Variants in TRPC4 observed in about 807,000 individuals in gnomAD.
TRPC4 encodes transient receptor potential cation channel subfamily C member 4.
Under a neutral mutation model 99.4 loss-of-function variants are expected in TRPC4, and 49 were observed. That is an observed-to-expected ratio of 0.49 (90% CI 0.39 to 0.63). The LOEUF (loss-of-function observed/expected upper bound fraction) is 0.63, where lower values mean the gene tolerates loss of function less well. TRPC4 is among the 20% of genes least tolerant of loss of function. The pLI, the probability that TRPC4 is intolerant of heterozygous loss-of-function variation, is 0.00. For synonymous variants in TRPC4, 454 were observed against 425.9 expected, an observed-to-expected ratio of 1.07 and a Z score of -0.81; for missense variants, 898 against 1,152.9, an observed-to-expected ratio of 0.78 and a Z score of 3.20.
Position 37,674,361 on chromosome 13 carries a change from A to G in TRPC4, c.1241T>C (p.Ile414Thr), listed in dbSNP as rs780808911. The G allele has an allele frequency of 1.9e-6, 3 of 1,598,514 alleles. No individual in the cohort carries two copies. Among genetic ancestry groups the G allele is most frequent in the South Asian group, 1.2e-5 (1 of 84,980 alleles). Residue 414 changes from isoleucine (I) to threonine (T), a missense_variant, in exon 5 of 11, where the codon ATA becomes ACA. By Grantham distance (89) the Ile-to-Thr change is moderately conservative. Coordinates refer to ENST00000379705, the MANE Select transcript of TRPC4 (RefSeq NM_016179.4). ...WMILPWVLGF[I>T]WGEIKQMWDG... is the part of the protein sequence containing the mutation. ...CCACATCTGTTTAATTTCTCCCCAT[A>G]TGAAGCCTGCAATTATAGAAAGATT... is the stretch of plus-strand genomic sequence containing the variant.
intron 2 of TRPC4, among the ~76,000 whole-genome samples, chr13:37,770,514 T>C (rs116863761): frequency 6.6e-6 from 1 of 151,708 alleles, no homozygotes; most frequent in Non-Finnish European, 1.5e-5. Context: ...CTTGATTTAA[T>C]GCATATTACC....
At chr13:37,821,998 G>T (rs1593257745) in intron 1 of TRPC4, among the ~76,000 whole-genome samples, 1 of 151,946 alleles carries the variant, frequency 6.6e-6, no homozygotes, top group African/African-American at 2.4e-5. Context: ...CACAGGAAAA[G>T]AAACTATTAA....
intron 4 of TRPC4, among the ~76,000 whole-genome samples, chr13:37,689,813 A>G (rs1364489582): frequency 6.6e-6 from 1 of 152,180 alleles, no homozygotes; most frequent in Non-Finnish European, 1.5e-5. Context: ...TTACCATTTT[A>G]TGACATTATA....
chr13:37,725,923 A>T (rs921879027), intron 3 of TRPC4, among the ~76,000 whole-genome samples: 2 of 152,090 alleles, frequency 1.3e-5, no homozygotes, highest in Admixed American at 1.3e-4. Flanking sequence ...AAAAGTTAGT[A>T]TTGGCAGCTC....
At chr13:37,645,243 T>C (rs1191830101) in intron 8 of TRPC4, among the ~76,000 whole-genome samples, 1 of 152,140 alleles carries the variant, frequency 6.6e-6, no homozygotes. Context: ...AGAGAACTCA[T>C]GTTAAAGAGA....
intron 8 of TRPC4, among the ~76,000 whole-genome samples, chr13:37,644,708 A>C (rs1406330723): frequency 6.6e-6 from 1 of 151,858 alleles, no homozygotes; most frequent in African/African-American, 2.4e-5. Flanking sequence ...GTCTCTACTA[A>C]AAATACACAA....
intron 1 of TRPC4, among the ~76,000 whole-genome samples, chr13:37,828,976 A>G (rs2139583089): frequency 6.6e-6 from 1 of 152,354 alleles, no homozygotes; most frequent in Middle Eastern, 3.4e-3. Context: ...ATAAAAGTTA[A>G]GAAAAAAATT....
chr13:37,749,030 T>G (rs1038661801), intron 2 of TRPC4, among the ~76,000 whole-genome samples: 1 of 152,142 alleles, frequency 6.6e-6, no homozygotes, highest in African/African-American at 2.4e-5. Flanking sequence ...GACTGGATCA[T>G]GGGGATGGTT....
In TRPC4 at chr13:37,754,505, A is replaced by G. The variant is rs548980097; in HGVS notation, c.379-8050T>C. Among the ~76,000 whole-genome samples the G allele has an allele frequency of 3.9e-5, 6 of 152,298 alleles. No individual in the cohort carries two copies. The South Asian group carries it at 1.0e-3, about 26-fold the overall frequency. ...ATTACACCCAGGAAAACATATTGGC[A>G]TTAAATTATATACTCACATTGCTAA... On this transcript the variant is annotated intron_variant, in intron 2 of 10. Coordinates refer to ENST00000379705, the MANE Select transcript of TRPC4 (RefSeq NM_016179.4).
At chr13:37,726,085 A>G (rs955716650) in intron 3 of TRPC4, among the ~76,000 whole-genome samples, 1 of 151,818 alleles carries the variant, frequency 6.6e-6, no homozygotes, top group Non-Finnish European at 1.5e-5. Context: ...TGTCCCAGCT[A>G]CTCGGAAGGC....
intron 5 of TRPC4, among the ~76,000 whole-genome samples, chr13:37,664,763 CATA>C (rs531010457): frequency 9.8e-4 from 149 of 152,292 alleles, no homozygotes; most frequent in Non-Finnish European, 1.9e-3. Context: ...CTGAGTCCCA[CATA>C]ATGTTTTTTA....
intron 1 of TRPC4, among the ~76,000 whole-genome samples, chr13:37,832,967 A>G (rs2139600756): frequency 6.6e-6 from 1 of 152,248 alleles, no homozygotes; most frequent in Non-Finnish European, 1.5e-5. Flanking sequence ...CTTTGTTTTC[A>G]GCAGTATCGA....
At chr13:37,646,256 C>T (rs972526416) in intron 8 of TRPC4, among the ~76,000 whole-genome samples, 1 of 152,180 alleles carries the variant, frequency 6.6e-6, no homozygotes, top group Non-Finnish European at 1.5e-5. Flanking sequence ...GACCATCCTG[C>T]CTCCTGTTCT....
chr13:37,866,919 C>A (rs543134471), intron 1 of TRPC4, among the ~76,000 whole-genome samples: 2 of 148,722 alleles, frequency 1.3e-5, no homozygotes, highest in African/African-American at 5.1e-5. Flanking sequence ...TCCTCAACCT[C>A]ATTTTTAATG....
intron 2 of TRPC4, among the ~76,000 whole-genome samples, chr13:37,771,558 AGT>A (rs34539317): frequency 0.099 from 14,522 of 146,892 alleles, 1,152 homozygotes; most frequent in African/African-American, 0.21. Flanking sequence ...AGTGTGCATG[AGT>A]GTGTGTGTGT....
At chr13:37,669,059 T>A (rs2138728226) in intron 5 of TRPC4, among the ~76,000 whole-genome samples, 1 of 152,274 alleles carries the variant, frequency 6.6e-6, no homozygotes, top group East Asian at 1.9e-4. Flanking sequence ...TTGGCCCTTT[T>A]CTAGTTAATA....
At chr13:37,712,547 T>C (rs1228587478) in intron 3 of TRPC4, among the ~76,000 whole-genome samples, 3 of 152,186 alleles carry the variant, frequency 2.0e-5, no homozygotes, top group South Asian at 2.1e-4. Flanking sequence ...ACTGAAGTAG[T>C]TCAGCTTATC....
chr13:37,831,388 G>A (rs957831831), intron 1 of TRPC4, among the ~76,000 whole-genome samples: 1 of 152,182 alleles, frequency 6.6e-6, no homozygotes, highest in African/African-American at 2.4e-5. Flanking sequence ...AAGATAACTA[G>A]TATTGGCAAG....
rs10528143 is a variant in TRPC4, at chr13:37,752,075, C to CTATATATA, written c.379-5628_379-5621dup. Among the ~76,000 whole-genome samples, 510 of 73,916 alleles carry CTATATATA rather than the reference C, an allele frequency of 6.9e-3. 88 individuals are homozygous for CTATATATA. The highest frequency in any genetic ancestry group is 0.015 in the Middle Eastern group (2 of 136). 48.5% of individuals were successfully genotyped at this position (73,916 alleles called of 152,430 possible). ...TACCAAAACCTGATAAAGCAGAAAACTATATATATATATATATATATGACT... is the reference window on the plus strand; with the variant it reads ...TACCAAAACCTGATAAAGCAGAAAACTATATATATATATATATATATATATATATGACT... On this transcript the variant is annotated intron_variant, in intron 2 of 10. Coordinates refer to ENST00000379705, the MANE Select transcript of TRPC4 (RefSeq NM_016179.4).
Sources: gnomAD v4.1 joint callset for allele counts (sites outside exome capture counted in the v4.1 genomes callset) on GRCh38, gnomAD v4.1.1 for gene constraint, MANE v1.5 for transcripts, NCBI Gene and HGNC (gene_info 2026-07-23, HGNC 2026-07-21) for gene names.